Variants in ECE1 observed in about 807,000 individuals in gnomAD.
ECE1 encodes the protein endothelin-converting enzyme 1.
ECE1 carries 35 observed loss-of-function variants against 98.6 expected under a neutral mutation model. That is an observed-to-expected ratio of 0.35 (90% confidence interval 0.27 to 0.47). The LOEUF is 0.47. Ranked by LOEUF, ECE1 falls within the 20% of genes least tolerant of loss-of-function variation. ECE1 has a pLI of 1.00. For missense variants in ECE1, 814 were observed against 1,025.3 expected (o/e 0.79, Z 2.81); for synonymous variants, 394 against 407.1 (o/e 0.97, Z 0.39).
chr1:21,291,222 C>G (rs1396488864), upstream of ECE1, among the ~76,000 whole-genome samples: 1 of 152,190 alleles, frequency 6.6e-6, no homozygotes, highest in Non-Finnish European at 1.5e-5. Context: ...GTTAGGGACT[C>G]AGGCCCAGCA....
chr1:21,328,224 A>G (rs1489500318), intron 1 of ECE1, among the ~76,000 whole-genome samples: 1 of 152,112 alleles, frequency 6.6e-6, no homozygotes, highest in Non-Finnish European at 1.5e-5. Context: ...CTCTTCTCAA[A>G]TCCTTCTTCC....
chr1:21,225,185 T>A lies in ECE1; in HGVS notation c.2040+65A>T. 6.3e-7 allele frequency: 1 copy of A among 1,584,974 alleles called. No homozygotes were observed. The highest frequency in any genetic ancestry group is 8.6e-7 in the Non-Finnish European group (1 of 1,159,506). On this transcript the variant is annotated intron_variant, in intron 17 of 18. Coordinates refer to ENST00000374893, the MANE Select transcript of ECE1 (RefSeq NM_001397.3). The surrounding 1 kb of genome is among the most constrained non-coding windows in gnomAD (Gnocchi z 5.3). ...GCCCTGGTTGTCCGTGATGATCCTC[T>A]ACGGACAGGCATCTGGAAGGAGCCA...
At chr1:21,308,769 CG>C (rs1638652700) in intron 1 of ECE1, among the ~76,000 whole-genome samples, 1 of 152,100 alleles carries the variant, frequency 6.6e-6, no homozygotes, top group Non-Finnish European at 1.5e-5. Context: ...GGGGCCTGAG[CG>C]AATGCTGCAA....
chr1:21,259,887 G>C (rs981595683), intron 5 of ECE1, among the ~76,000 whole-genome samples: 1 of 152,086 alleles, frequency 6.6e-6, no homozygotes, highest in East Asian at 1.9e-4. Flanking sequence ...TCTGGAACAG[G>C]CACACACCCC....
chr1:21,238,239 A>C lies in ECE1; in HGVS notation c.1284T>G (p.Cys428Trp). Residue 428 changes from cysteine (C) to tryptophan (W), a missense_variant, in exon 11 of 19, where the codon TGT (cysteine) becomes TGG (tryptophan). By Grantham distance (215) the Cys-to-Trp change is radical. This residue lies in a region of ECE1 where 452 missense variants were observed against 567.3 expected (regional missense o/e 0.80). Coordinates refer to ENST00000374893, the MANE Select transcript of ECE1 (RefSeq NM_001397.3). ...TCACGCAAAACTTCCAGCGAGGAAG[A>C]CAGGTCTGGAAAACACAAGTCAGGG... is the stretch of plus-strand genomic sequence containing the variant. ...MEVMYGTKKT[C>W]LPRWKFCVSD... is the part of the protein sequence containing the mutation. 4 of 1,613,994 alleles carry C rather than the reference A, an allele frequency of 2.5e-6. No homozygotes were observed. The highest frequency in any genetic ancestry group is 2.5e-6 in the Non-Finnish European group (3 of 1,179,902).
intron 3 of ECE1, among the ~76,000 whole-genome samples, chr1:21,276,370 T>TA (rs35670149): frequency 0.078 from 11,873 of 152,226 alleles, 626 homozygotes; most frequent in Middle Eastern, 0.13. Context: ...TGAAAGGCCT[T>TA]ATTCAGCACT....
At chr1:21,230,074 A>AC in intron 14 of ECE1, among the ~76,000 whole-genome samples, 1 of 152,126 alleles carries the variant, frequency 6.6e-6, no homozygotes, top group Non-Finnish European at 1.5e-5. Context: ...GGTGGTGTGC[A>AC]CCTGTAGTCC....
At chr1:21,273,572 G>T (rs1313915251) in intron 3 of ECE1, among the ~76,000 whole-genome samples, 2 of 152,144 alleles carry the variant, frequency 1.3e-5, no homozygotes, top group South Asian at 2.1e-4. Context: ...ACAGGACATA[G>T]GAAGGAGGAA....
rs887235741 is a variant in ECE1, at chr1:21,327,846, C to T, written c.3+17530G>A. 1.3e-5 allele frequency among the ~76,000 whole-genome samples: 2 copies of T among 152,188 alleles called. No homozygotes were observed. The highest frequency in any genetic ancestry group is 2.4e-5 in the African/African-American group (1 of 41,438). ...TGAGCTCTGCCTTCGGTCAGATCAG[C>T]GGTGGCATTAGATTCTCGTAGGAGC... On this transcript the variant is annotated intron_variant, in intron 1 of 18. Coordinates refer to the ECE1 transcript ENST00000415912. This position sits in a 1 kb window ranked among gnomAD's most constrained non-coding sequence, Gnocchi z 4.6.
In ECE1 at chr1:21,233,069, C is replaced by A. The variant is rs1362125244; in HGVS notation, c.1670+489G>T. 1.8e-5 allele frequency: 3 copies of A among 167,556 alleles called. No homozygotes were observed. Among genetic ancestry groups the A allele is most frequent in the Admixed American group, 1.1e-4 (2 of 17,856 alleles). 10.4% of individuals were successfully genotyped at this position (167,556 alleles called of 1,614,324 possible). On this transcript the variant is annotated intron_variant, in intron 14 of 18. Coordinates refer to ENST00000374893, the MANE Select transcript of ECE1 (RefSeq NM_001397.3). The surrounding 1 kb of genome is among the most constrained non-coding windows in gnomAD (Gnocchi z 4.0). ...AGCTGTCAAGCCCATCCAGAACCTT[C>A]CCCAGGCCTCTGTGGGCTCCCTGTC...
chr1:21,246,740 T>G (rs1288110725), intron 9 of ECE1, among the ~76,000 whole-genome samples: 1 of 152,120 alleles, frequency 6.6e-6, no homozygotes, highest in Non-Finnish European at 1.5e-5. Flanking sequence ...CACTACAACC[T>G]CTGCCTCCTG....
intron 1 of ECE1, among the ~76,000 whole-genome samples, chr1:21,341,835 A>G (rs1211639557): frequency 6.6e-6 from 1 of 150,868 alleles, no homozygotes; most frequent in East Asian, 2.0e-4. Context: ...ATAGGGTCTC[A>G]CTATGTTGCC....
chr1:21,252,758 C>T (rs1455772165), intron 8 of ECE1, among the ~76,000 whole-genome samples: 3 of 152,162 alleles, frequency 2.0e-5, no homozygotes, highest in African/African-American at 7.2e-5. Flanking sequence ...GGAAGAAAAC[C>T]CCATTTCCAG....
Position 21,219,465 on chromosome 1 carries a change from TA to T in ECE1, c.*489del, listed in dbSNP as rs1424942307. On this transcript the variant is annotated 3_prime_UTR_variant, in exon 19 of 19. Coordinates refer to ENST00000374893, the MANE Select transcript of ECE1 (RefSeq NM_001397.3). This position sits in a 1 kb window ranked among gnomAD's most constrained non-coding sequence, Gnocchi z 4.5. Reference sequence around the variant, plus strand: ...CACAGGGAGTGGGGAAGAGAGGGAGTAAATCAGTGGGGCTTCCCTTGTCCAC... The same window carrying T: ...CACAGGGAGTGGGGAAGAGAGGGAGTAATCAGTGGGGCTTCCCTTGTCCAC... 1 of 166,414 alleles carries T rather than the reference TA, an allele frequency of 6.0e-6. No homozygotes were observed. The highest frequency in any genetic ancestry group is 1.3e-5 in the Non-Finnish European group (1 of 75,926). 10.3% of individuals were successfully genotyped at this position (166,414 alleles called of 1,614,324 possible).
rs2098264735 is a variant in ECE1, at chr1:21,289,961, G to A, written c.138+109C>T. On this transcript the variant is annotated intron_variant, in intron 2 of 18. Transcript: ENST00000374893. ...TCCCGGATGCCGGGACGAGGGAGGG[G>A]AAGGGAGGGGAAGAGGCGGGGTAGG... is the stretch of plus-strand genomic sequence containing the variant. 5 of 1,194,686 alleles carry A rather than the reference G, an allele frequency of 4.2e-6. No homozygotes were observed. In the East Asian group the frequency reaches 1.4e-4, roughly 32 times the overall value. The allele number at this position is 1,194,686 out of a possible 1,614,324, so 74.0% of individuals were successfully genotyped here. A position where few individuals can be genotyped will look rare whatever the true frequency, so the allele number is the denominator to read the frequency against.
intron 2 of ECE1, among the ~76,000 whole-genome samples, chr1:21,285,194 G>A (rs74653142): frequency 1.3e-5 from 2 of 152,264 alleles, no homozygotes; most frequent in African/African-American, 2.4e-5. Context: ...CGTTGTAGGG[G>A]AGGGCACTCC....
rs149442425 is a variant in ECE1, at chr1:21,227,864, G to A, written c.1781+67C>T. ...AAGATCACATGGTGAGACTGGCTTAGGTCGTATGGGCCCCAGGGCTGGGCT... is the reference window on the plus strand; with the variant it reads ...AAGATCACATGGTGAGACTGGCTTAAGTCGTATGGGCCCCAGGGCTGGGCT... On this transcript the variant is annotated intron_variant, in intron 15 of 18. Transcript: ENST00000374893. The A allele has an allele frequency of 2.6e-4, 329 of 1,288,522 alleles. 3 individuals carry two copies. In the East Asian group the frequency reaches 5.4e-3, roughly 21 times the overall value. The allele number at this position is 1,288,522 out of a possible 1,614,324, so 79.8% of individuals were successfully genotyped here. A position where few individuals can be genotyped will look rare whatever the true frequency, so the allele number is the denominator to read the frequency against.
chr1:21,259,188 T>A (rs1422034388), intron 5 of ECE1, among the ~76,000 whole-genome samples: 1 of 152,226 alleles, frequency 6.6e-6, no homozygotes. Flanking sequence ...TAAATTCAAT[T>A]GTGCCTCTGG....
Position 21,290,197 on chromosome 1 carries a change from A to T in ECE1, c.52-41T>A. On this transcript the variant is annotated intron_variant, in intron 1 of 18. Coordinates refer to ENST00000374893, the MANE Select transcript of ECE1 (RefSeq NM_001397.3). This position sits in a 1 kb window ranked among gnomAD's most constrained non-coding sequence, Gnocchi z 7.3. The stretch of plus-strand genomic sequence containing the variant: ...CAGCACGGACTCCCTCAGCGCCTCC[A>T]TGGCTCTCGCGCCCGAATGGGGAAG... 6.7e-7 allele frequency: 1 copy of T among 1,488,032 alleles called. No homozygotes were observed. The highest frequency in any genetic ancestry group is 8.9e-7 in the Non-Finnish European group (1 of 1,117,788). The allele number at this position is 1,488,032 out of a possible 1,614,324, so 92.2% of individuals were successfully genotyped here. A position where few individuals can be genotyped will look rare whatever the true frequency, so the allele number is the denominator to read the frequency against.
Sources: gnomAD v4.1 joint callset for allele counts (sites outside exome capture counted in the v4.1 genomes callset) on GRCh38, gnomAD v4.1.1 for gene constraint, gnomAD v4.1.1 regional missense constraint, Gnocchi (gnomAD v3.1) non-coding constraint, MANE v1.5 for transcripts, NCBI Gene and HGNC (gene_info 2026-07-23, HGNC 2026-07-21) for gene names.